Variants in CFDP1 observed in about 807,000 individuals in gnomAD.
CFDP1 encodes the protein heterochromatin-stabilizing protein CFDP1.
In CFDP1, 31 loss-of-function variants were observed where a neutral mutation model predicts 40.1. The observed-to-expected ratio is 0.77, with a 90% CI of 0.58 to 1.04. The LOEUF is 1.04. CFDP1 is among the 50% of genes least tolerant of loss of function. The pLI, the probability that CFDP1 is intolerant of heterozygous loss-of-function variation, is 0.00. For synonymous variants in CFDP1, 167 were observed against 120.0 expected, an observed-to-expected ratio of 1.39 and a Z score of -2.56; for missense variants, 423 against 343.4, an observed-to-expected ratio of 1.23 and a Z score of -1.83.
At chr16:75,309,348 G>C (rs1201945312) in intron 5 of CFDP1, among the ~76,000 whole-genome samples, 1 of 151,866 alleles carries the variant, frequency 6.6e-6, no homozygotes, top group Non-Finnish European at 1.5e-5. Context: ...TCTCTGGGCA[G>C]GGGGCGCTGA....
intron 5 of CFDP1, among the ~76,000 whole-genome samples, chr16:75,392,079 T>C (rs577404980): frequency 6.6e-6 from 1 of 152,214 alleles, no homozygotes; most frequent in East Asian, 1.9e-4. Context: ...AGCCTATAGC[T>C]TCAAATTTTA....
chr16:75,395,164 G>A lies in CFDP1; in HGVS notation c.576C>T (p.Phe192=). 4.3e-6 allele frequency: 7 copies of A among 1,613,778 alleles called. No individual in the cohort carries two copies. The highest frequency in any genetic ancestry group is 5.9e-6 in the Non-Finnish European group (7 of 1,179,820). ...GTTTTTCTTTCTCATTCTGCTTGAA[G>A]AAGGATTTGGCCTCTTTAGATGTAG... is the stretch of plus-strand genomic sequence containing the variant. ...VDATSKEAKS[F]FKQNEKEKPQ... is the part of the protein sequence containing the mutation. Residue 192 remains phenylalanine, a synonymous_variant, in exon 5 of 7, where the codon TTC becomes TTT. Transcript: ENST00000283882.
At chr16:75,364,024 G>C (rs2078697174) in intron 5 of CFDP1, among the ~76,000 whole-genome samples, 1 of 151,258 alleles carries the variant, frequency 6.6e-6, no homozygotes. Flanking sequence ...ATTAGGGGCT[G>C]TGAAGGTTCA....
chr16:75,412,467 A>C, intron 3 of CFDP1, 68 bp downstream of exon 3: 1 of 1,227,486 alleles, frequency 8.1e-7, no homozygotes, highest in East Asian at 2.3e-5. Context: ...CGATTTCCGT[A>C]GGCTTCAAAT....
intron 5 of CFDP1, among the ~76,000 whole-genome samples, chr16:75,332,878 G>C (rs1685324480): frequency 6.8e-6 from 1 of 146,910 alleles, no homozygotes; most frequent in African/African-American, 2.5e-5. Flanking sequence ...CGCGATCCCA[G>C]CTCACTGCAA....
intron 1 of CFDP1, among the ~76,000 whole-genome samples, chr16:75,418,205 A>C (rs1290660269): frequency 7.0e-6 from 1 of 142,748 alleles, no homozygotes; most frequent in South Asian, 2.4e-4. Flanking sequence ...ATGAGCTGAG[A>C]TACACCACTG....
At chr16:75,403,528 C>G (rs2079073123) in intron 4 of CFDP1, among the ~76,000 whole-genome samples, 1 of 152,102 alleles carries the variant, frequency 6.6e-6, no homozygotes, top group South Asian at 2.1e-4. Context: ...CTAATGACTT[C>G]TTACAGCAAC....
At chr16:75,337,254 C>T (rs577090521) in intron 5 of CFDP1, among the ~76,000 whole-genome samples, 25 of 152,252 alleles carry the variant, frequency 1.6e-4, no homozygotes, top group Non-Finnish European at 2.9e-4. Flanking sequence ...GGAGAGGGAG[C>T]GAGGCCCGGC....
At chr16:75,394,214 T>C (rs546016746) in intron 5 of CFDP1, among the ~76,000 whole-genome samples, 1 of 152,318 alleles carries the variant, frequency 6.6e-6, no homozygotes, top group East Asian at 1.9e-4. Flanking sequence ...GTCAGGGCTA[T>C]CCATGGTATG....
chr16:75,366,845 A>C (rs1437156596), intron 5 of CFDP1, among the ~76,000 whole-genome samples: 4 of 151,984 alleles, frequency 2.6e-5, no homozygotes, highest in Non-Finnish European at 4.4e-5. Flanking sequence ...ATGAAATTGT[A>C]CACAATGAAA....
At chr16:75,353,513 G>GC in intron 5 of CFDP1, among the ~76,000 whole-genome samples, 1 of 152,154 alleles carries the variant, frequency 6.6e-6, no homozygotes, top group South Asian at 2.1e-4. Flanking sequence ...CTGTAATCCA[G>GC]CACTTTGGGA....
At chr16:75,400,973 A>T (rs2079046912) in intron 4 of CFDP1, among the ~76,000 whole-genome samples, 1 of 152,206 alleles carries the variant, frequency 6.6e-6, no homozygotes, top group Non-Finnish European at 1.5e-5. Flanking sequence ...TCCATAAAAA[A>T]GAGCCACAGA....
intron 5 of CFDP1, among the ~76,000 whole-genome samples, chr16:75,383,963 T>C (rs2078872283): frequency 6.6e-6 from 1 of 152,136 alleles, no homozygotes; most frequent in African/African-American, 2.4e-5. Flanking sequence ...GGAAACTACC[T>C]ACAGGTAATA....
intron 1 of CFDP1, among the ~76,000 whole-genome samples, chr16:75,417,149 T>G (rs2079216127): frequency 6.6e-6 from 1 of 152,000 alleles, no homozygotes; most frequent in Non-Finnish European, 1.5e-5. Flanking sequence ...CCAGCCTGGG[T>G]GACAGTGAGA....
chr16:75,341,167 C>T (rs2078524067), intron 5 of CFDP1, among the ~76,000 whole-genome samples: 1 of 152,170 alleles, frequency 6.6e-6, no homozygotes, highest in Non-Finnish European at 1.5e-5. Context: ...CTCATTGGGT[C>T]TTCCTGACAA....
intron 5 of CFDP1, among the ~76,000 whole-genome samples, chr16:75,375,511 G>T (rs184621179): frequency 5.3e-5 from 8 of 152,232 alleles, no homozygotes; most frequent in Admixed American, 2.6e-4. Flanking sequence ...GACTGACAAG[G>T]CTGGGCGCGG....
At chr16:75,389,148 G>C (rs1597374967) in intron 5 of CFDP1, among the ~76,000 whole-genome samples, 1 of 152,202 alleles carries the variant, frequency 6.6e-6, no homozygotes, top group Non-Finnish European at 1.5e-5. Context: ...ATGTTGGCTT[G>C]AAAATAGGTA....
At position 75,384,852 on chromosome 16, in the gene CFDP1, C is replaced by CAATATATATATA. The variant is rs1555561750; in HGVS notation, c.650+10237_650+10238insTATATATATATT. Among the ~76,000 whole-genome samples, 84 of 119,976 alleles carry CAATATATATATA rather than the reference C, an allele frequency of 7.0e-4. 8 individuals carry two copies. Among genetic ancestry groups the CAATATATATATA allele is most frequent in the Non-Finnish European group, 9.0e-4 (53 of 59,052 alleles). 78.7% of individuals were successfully genotyped at this position (119,976 alleles called of 152,430 possible). A position where few individuals can be genotyped will look rare whatever the true frequency, so the allele number is the denominator to read the frequency against. On this transcript the variant is annotated intron_variant, in intron 5 of 6. Coordinates refer to ENST00000283882, the MANE Select transcript of CFDP1 (RefSeq NM_006324.3). ...TACAAGTTGCAAGAAGAAACTAAAA[C>CAATATATATATA]TATATATATATATATATATATATAT...
chr16:75,419,277 G>GA (rs532649973), intron 1 of CFDP1: 69 of 153,254 alleles, frequency 4.5e-4, no homozygotes, highest in Non-Finnish European at 6.2e-4. Context: ...TAAAAAGACA[G>GA]AAAAAAAAAT....
Sources: allele counts gnomAD v4.1 joint callset (sites outside exome capture counted in the v4.1 genomes callset), GRCh38; gene constraint gnomAD v4.1.1; transcripts MANE v1.5; gene names NCBI Gene and HGNC (gene_info 2026-07-23, HGNC 2026-07-21).